EVI5: variants seen among roughly 807,000 people sequenced by gnomAD.
The protein encoded by EVI5 is ecotropic viral integration site 5 protein homolog.
EVI5 carries 73 observed loss-of-function variants against 112.0 expected under a neutral mutation model. The ratio of observed to expected loss-of-function variants is 0.65; its 90% CI spans 0.54 to 0.79. The LOEUF is 0.79. Among genes scored for constraint, EVI5 ranks in the 30% least tolerant of loss-of-function variants. The pLI is 0.00. For missense variants in EVI5, 900 were observed against 968.8 expected, an observed-to-expected ratio of 0.93 and a Z score of 0.94; for synonymous variants, 305 against 319.9, an observed-to-expected ratio of 0.95 and a Z score of 0.50.
intron 19 of EVI5, among the ~76,000 whole-genome samples, chr1:92,537,628 G>A (rs2101916372): frequency 6.6e-6 from 1 of 152,046 alleles, no homozygotes; most frequent in African/African-American, 2.4e-5. Context: ...ACACTGAATT[G>A]TAAACATGAC....
intron 13 of EVI5, among the ~76,000 whole-genome samples, chr1:92,643,244 T>C (rs1204900900): frequency 1.3e-5 from 2 of 152,074 alleles, no homozygotes; most frequent in African/African-American, 4.8e-5. Context: ...ATTTACTTAA[T>C]TTATTTAGTG....
At chr1:92,747,969 T>A (rs1679563577) in intron 1 of EVI5, among the ~76,000 whole-genome samples, 2 of 152,138 alleles carry the variant, frequency 1.3e-5, no homozygotes, top group Admixed American at 1.3e-4. Context: ...CCAGTGACTG[T>A]ATCTTCCCTA....
In EVI5 at chr1:92,784,432, CA is replaced by C. The variant is rs1181647715; in HGVS notation, c.-82+403del. 2.7e-5 allele frequency: 27 copies of C among 985,230 alleles called. 2 individuals carry two copies. In the Middle Eastern group the frequency reaches 2.6e-3, roughly 94 times the overall value. The allele number at this position is 985,230 out of a possible 1,614,324, so 61.0% of individuals were successfully genotyped here. A position where few individuals can be genotyped will look rare whatever the true frequency, so the allele number is the denominator to read the frequency against. On this transcript the variant is annotated intron_variant, in intron 1 of 19. Transcript: ENST00000684568. ...AAGTAAAGACGCCAACTTTGCAAGTCAGGGGGGCGAGTGCTCTCGCCCCTCA... is the reference window on the plus strand; with the variant it reads ...AAGTAAAGACGCCAACTTTGCAAGTCGGGGGGCGAGTGCTCTCGCCCCTCA...
At chr1:92,562,801 G>T (rs1271927376) in intron 19 of EVI5, among the ~76,000 whole-genome samples, 1 of 152,164 alleles carries the variant, frequency 6.6e-6, no homozygotes, top group East Asian at 1.9e-4. Flanking sequence ...CCAGGAAAGG[G>T]TAACGTCTAA....
At chr1:92,704,973 T>G (rs1671746519) in intron 2 of EVI5, among the ~76,000 whole-genome samples, 1 of 152,174 alleles carries the variant, frequency 6.6e-6, no homozygotes, top group African/African-American at 2.4e-5. Flanking sequence ...CGTTAAAAAT[T>G]TTTGAGCTAC....
rs1170795299 is a variant in EVI5, at chr1:92,735,638, T to A, written c.149+760A>T. Reference sequence around the variant, plus strand: ...ATAATTATATGATATATGATATATGTCATATATATATATAATTATATAATT... The same window carrying A: ...ATAATTATATGATATATGATATATGACATATATATATATAATTATATAATT... On this transcript the variant is annotated intron_variant, in intron 2 of 19. Coordinates refer to ENST00000684568, the MANE Select transcript of EVI5 (RefSeq NM_001350197.2). Among the ~76,000 whole-genome samples, 8 of 16,058 alleles carry A rather than the reference T, an allele frequency of 5.0e-4. No individual in the cohort carries two copies. The South Asian group carries it at 0.023, about 46-fold the overall frequency. The allele number at this position is 16,058 out of a possible 152,430, so 10.5% of individuals were successfully genotyped here. A position where few individuals can be genotyped will look rare whatever the true frequency, so the allele number is the denominator to read the frequency against.
At chr1:92,638,877 T>C (rs1210409737) in intron 13 of EVI5, among the ~76,000 whole-genome samples, 1 of 152,038 alleles carries the variant, frequency 6.6e-6, no homozygotes, top group Admixed American at 6.6e-5. Context: ...AAATTAATTA[T>C]ATAATATTAA....
chr1:92,716,865 C>T (rs1020425701), intron 2 of EVI5, among the ~76,000 whole-genome samples: 6 of 146,372 alleles, frequency 4.1e-5, no homozygotes, highest in African/African-American at 1.5e-4. Flanking sequence ...AAAACCAGAG[C>T]GCCTCTTCCC....
rs758652817 is a variant in EVI5, at chr1:92,677,138, A to G, written c.1158+20T>C. On this transcript the variant is annotated intron_variant, in intron 10 of 19. Coordinates refer to ENST00000684568, the MANE Select transcript of EVI5 (RefSeq NM_001350197.2). The stretch of plus-strand genomic sequence containing the variant: ...TTGATTTCAATCAATCAGTACTTTA[A>G]AAAGCCCCCAACTGCTTACTTTAAT... 2 of 1,515,776 alleles carry G rather than the reference A, an allele frequency of 1.3e-6. No individual in the cohort carries two copies. The highest frequency in any genetic ancestry group is 1.8e-6 in the Non-Finnish European group (2 of 1,100,576). 93.9% of individuals were successfully genotyped at this position (1,515,776 alleles called of 1,614,324 possible).
At chr1:92,698,085 T>C in intron 5 of EVI5, 100 bp from the exon 6 acceptor site, 1 of 1,054,798 alleles carries the variant, frequency 9.5e-7, no homozygotes, top group Non-Finnish European at 1.4e-6. Context: ...ACAAACATTG[T>C]TTGAGTGGCT....
intron 18 of EVI5, among the ~76,000 whole-genome samples, chr1:92,565,984 C>CAGAGTGGGT (rs935512236): frequency 9.8e-6 from 1 of 102,318 alleles, no homozygotes; most frequent in African/African-American, 4.8e-5. Flanking sequence ...GTTCTAGCGA[C>CAGAGTGGGT]AGAGTGGGTA....
chr1:92,587,703 T>C (rs1001785645), intron 18 of EVI5, among the ~76,000 whole-genome samples: 16 of 152,152 alleles, frequency 1.1e-4, no homozygotes, highest in Non-Finnish European at 2.4e-4. Flanking sequence ...CTAGAGGTTA[T>C]CTGTTGGGCA....
chr1:92,781,911 T>G (rs1257717476), intron 1 of EVI5, among the ~76,000 whole-genome samples: 1 of 137,750 alleles, frequency 7.3e-6, no homozygotes, highest in Non-Finnish European at 1.5e-5. Flanking sequence ...GCCGTGATCG[T>G]GCCACTGCAC....
At chr1:92,734,307 A>T (rs1676989566) in intron 2 of EVI5, among the ~76,000 whole-genome samples, 1 of 152,238 alleles carries the variant, frequency 6.6e-6, no homozygotes. Context: ...ATGAGAAGAA[A>T]GATGGGATAG....
chr1:92,620,067 G>A (rs531114438), intron 16 of EVI5, among the ~76,000 whole-genome samples: 9 of 152,212 alleles, frequency 5.9e-5, no homozygotes, highest in East Asian at 1.9e-4. Flanking sequence ...ACCAAGGGCC[G>A]GGCGTGCTGG....
intron 10 of EVI5, among the ~76,000 whole-genome samples, chr1:92,666,675 AAAG>A (rs1664964356): frequency 6.6e-6 from 1 of 151,952 alleles, no homozygotes; most frequent in Non-Finnish European, 1.5e-5. Context: ...AGAAAAGGAA[AAAG>A]AAGGGAAAGG....
chr1:92,563,279 C>T (rs1177813504), intron 19 of EVI5, among the ~76,000 whole-genome samples: 3 of 152,102 alleles, frequency 2.0e-5, no homozygotes, highest in East Asian at 1.9e-4. Flanking sequence ...CTGCATGCAA[C>T]GGTAAATACC....
At chr1:92,545,596 C>A (rs1485445000) in intron 19 of EVI5, among the ~76,000 whole-genome samples, 1 of 152,098 alleles carries the variant, frequency 6.6e-6, no homozygotes, top group South Asian at 2.1e-4. Flanking sequence ...TGGACCAAGA[C>A]TCCAGAAGTA....
At chr1:92,777,274 T>C (rs1684270350) in intron 1 of EVI5, among the ~76,000 whole-genome samples, 2 of 152,162 alleles carry the variant, frequency 1.3e-5, no homozygotes, top group Admixed American at 1.3e-4. Context: ...TATTATATAT[T>C]ACAAATATGC....
Sources: gnomAD v4.1 joint callset for allele counts (sites outside exome capture counted in the v4.1 genomes callset) on GRCh38, gnomAD v4.1.1 for gene constraint, MANE v1.5 for transcripts, NCBI Gene and HGNC (gene_info 2026-07-23, HGNC 2026-07-21) for gene names.